The following KLHL32 variants were observed in gnomAD, a reference collection of about 807,000 sequenced individuals.
KLHL32 encodes kelch-like protein 32.
A neutral mutation model predicts 64.8 loss-of-function variants in KLHL32; 35 were observed. The ratio of observed to expected loss-of-function variants is 0.54; its 90% CI spans 0.41 to 0.72. The LOEUF (loss-of-function observed/expected upper bound fraction) is 0.72, where lower values mean the gene tolerates loss of function less well. KLHL32 is among the 30% of genes least tolerant of loss of function. The probability of loss-of-function intolerance (pLI) is 0.00; values close to 1 mark genes in which losing one functional copy is unlikely to be tolerated. For synonymous variants in KLHL32, 259 were observed against 281.0 expected, an observed-to-expected ratio of 0.92 and a Z score of 0.78; for missense variants, 589 against 768.5, an observed-to-expected ratio of 0.77 and a Z score of 2.76.
At chr6:97,015,962 T>C (rs1781129049) in intron 3 of KLHL32, among the ~76,000 whole-genome samples, 1 of 152,226 alleles carries the variant, frequency 6.6e-6, no homozygotes, top group African/African-American at 2.4e-5. Context: ...GAGGCTTCCA[T>C]GTGATGTTGG....
At chr6:96,990,379 G>A (rs11751667) in intron 3 of KLHL32, among the ~76,000 whole-genome samples, 6,127 of 152,222 alleles carry the variant, frequency 0.04, 149 homozygotes, top group South Asian at 0.1. Flanking sequence ...TGGTGTTGAA[G>A]TTTGGGCTGT....
chr6:97,086,915 A>C (rs59201674), intron 6 of KLHL32, among the ~76,000 whole-genome samples: 4 of 152,224 alleles, frequency 2.6e-5, no homozygotes, highest in Non-Finnish European at 5.9e-5. Context: ...CTGAATTGAC[A>C]TCTGAGGCTA....
intron 10 of KLHL32, among the ~76,000 whole-genome samples, chr6:97,136,896 A>G (rs1292446822): frequency 4.6e-5 from 7 of 152,166 alleles, no homozygotes. Flanking sequence ...GCCTTCTAAA[A>G]ATGTTTTCAG....
chr6:96,906,018 C>A, the KLHL32 span, among the ~76,000 whole-genome samples: 1 of 152,190 alleles, frequency 6.6e-6, no homozygotes, highest in East Asian at 1.9e-4. Context: ...TCTGGTAGTC[C>A]CACCTTTTGT....
intron 1 of KLHL32, among the ~76,000 whole-genome samples, chr6:96,941,526 G>A (rs1238821230): frequency 6.6e-6 from 1 of 152,096 alleles, no homozygotes; most frequent in African/African-American, 2.4e-5. Flanking sequence ...TGAAATGATA[G>A]CTCTGAGAAG....
chr6:97,032,553 C>A (rs190231780), intron 3 of KLHL32, among the ~76,000 whole-genome samples: 2 of 152,212 alleles, frequency 1.3e-5, no homozygotes, highest in East Asian at 3.9e-4. Flanking sequence ...CCTTTGTTCT[C>A]AGGAAGTTTT....
chr6:97,034,541 A>G (rs909488545), intron 3 of KLHL32, among the ~76,000 whole-genome samples: 2 of 151,676 alleles, frequency 1.3e-5, no homozygotes, highest in Non-Finnish European at 2.9e-5. Context: ...TTCTATTTCT[A>G]TAAAGAATGC....
intron 3 of KLHL32, among the ~76,000 whole-genome samples, chr6:96,989,157 T>A (rs1190489228): frequency 6.6e-6 from 1 of 152,232 alleles, no homozygotes; most frequent in Admixed American, 6.5e-5. Flanking sequence ...GTTAGCTGGT[T>A]ATTATGCAGA....
At chr6:97,066,416 A>G (rs1162101598) in intron 5 of KLHL32, among the ~76,000 whole-genome samples, 1 of 152,174 alleles carries the variant, frequency 6.6e-6, no homozygotes, top group East Asian at 1.9e-4. Flanking sequence ...ATCTGTTGAG[A>G]TACTAAGTGA....
chr6:97,049,451 A>G (rs968358302), intron 4 of KLHL32, among the ~76,000 whole-genome samples: 1 of 152,166 alleles, frequency 6.6e-6, no homozygotes, highest in Admixed American at 6.5e-5. Flanking sequence ...GGGAGATTGC[A>G]TCATGCCACT....
At chr6:97,094,728 T>C (rs1794727285) in intron 6 of KLHL32, among the ~76,000 whole-genome samples, 1 of 152,206 alleles carries the variant, frequency 6.6e-6, no homozygotes, top group East Asian at 1.9e-4. Context: ...TTGTGCATTG[T>C]TCTCCTTTGT....
At chr6:96,955,652 C>T (rs746352275) in intron 1 of KLHL32, among the ~76,000 whole-genome samples, 3 of 152,058 alleles carry the variant, frequency 2.0e-5, no homozygotes, top group Admixed American at 6.6e-5. Flanking sequence ...AAGACATACC[C>T]GAGGCCAGGC....
At chr6:96,903,760 A>G in the KLHL32 span, among the ~76,000 whole-genome samples, 33 of 152,232 alleles carry the variant, frequency 2.2e-4, no homozygotes, top group Non-Finnish European at 3.7e-4. Context: ...GTTAAATTCA[A>G]CACCCATTAC....
intron 3 of KLHL32, among the ~76,000 whole-genome samples, chr6:97,006,299 T>C (rs1779656587): frequency 6.6e-6 from 1 of 152,158 alleles, no homozygotes; most frequent in South Asian, 2.1e-4. Flanking sequence ...TGTTGATTTA[T>C]AGTCTTTTTT....
chr6:96,923,226 T>G (rs183353409), upstream of KLHL32, among the ~76,000 whole-genome samples: 1 of 152,356 alleles, frequency 6.6e-6, no homozygotes, highest in Non-Finnish European at 1.5e-5. Flanking sequence ...GCTTAAAATT[T>G]TAAGTATTCT....
intron 3 of KLHL32, among the ~76,000 whole-genome samples, chr6:97,021,322 T>G (rs1411225738): frequency 6.6e-6 from 1 of 150,754 alleles, no homozygotes; most frequent in Non-Finnish European, 1.5e-5. Context: ...AATGGTGTAG[T>G]TTTACTGTCA....
the KLHL32 span, among the ~76,000 whole-genome samples, chr6:96,899,020 G>A: frequency 6.6e-6 from 1 of 152,026 alleles, no homozygotes; most frequent in Non-Finnish European, 1.5e-5. Flanking sequence ...AAGAATCAAA[G>A]AACCAAAATG....
intron 7 of KLHL32, among the ~76,000 whole-genome samples, chr6:97,123,329 A>C (rs1219259762): frequency 6.6e-6 from 1 of 152,172 alleles, no homozygotes; most frequent in Non-Finnish European, 1.5e-5. Flanking sequence ...TCCAGTATGC[A>C]CTCATCCATT....
At chr6:97,040,112 A>T (rs1010900962) in intron 3 of KLHL32, among the ~76,000 whole-genome samples, 1 of 152,188 alleles carries the variant, frequency 6.6e-6, no homozygotes, top group Non-Finnish European at 1.5e-5. Flanking sequence ...AAATTAAAAA[A>T]ATTCAGCATG....
Sources: allele counts gnomAD v4.1 joint callset (sites outside exome capture counted in the v4.1 genomes callset), GRCh38; gene constraint gnomAD v4.1.1; transcripts MANE v1.5; gene names NCBI Gene and HGNC (gene_info 2026-07-23, HGNC 2026-07-21).